ADGRL3: variants seen among roughly 807,000 people sequenced by gnomAD.
ADGRL3 encodes adhesion G protein-coupled receptor L3.
In ADGRL3, 62 loss-of-function variants were observed where a neutral mutation model predicts 153.5. The ratio of observed to expected loss-of-function variants is 0.40; its 90% CI spans 0.33 to 0.50. ADGRL3 has a LOEUF of 0.50. Among genes scored for constraint, ADGRL3 ranks in the 20% least tolerant of loss-of-function variants. The pLI is 0.47. For synonymous variants in ADGRL3, 710 were observed against 672.5 expected (o/e 1.06, Z -0.86); for missense variants, 1,641 against 1,859.4 (o/e 0.88, Z 2.16).
intron 4 of ADGRL3, among the ~76,000 whole-genome samples, chr4:61,518,673 CCATT>C (rs1284413826): frequency 6.6e-6 from 1 of 152,168 alleles, no homozygotes; most frequent in African/African-American, 2.4e-5. Flanking sequence ...TTCAATCTCT[CCATT>C]CAGATTGGCC....
intron 6 of ADGRL3, among the ~76,000 whole-genome samples, chr4:61,713,401 T>A (rs1278652421): frequency 6.6e-6 from 1 of 152,086 alleles, no homozygotes; most frequent in Non-Finnish European, 1.5e-5. Context: ...CACCAAAGCA[T>A]ACATTCTGTT....
intron 2 of ADGRL3, among the ~76,000 whole-genome samples, chr4:61,409,160 C>A (rs2097047210): frequency 7.0e-6 from 1 of 143,512 alleles, no homozygotes; most frequent in South Asian, 2.2e-4. Flanking sequence ...AAAAAAATCC[C>A]AGTTAGTTGA....
At position 61,280,111 on chromosome 4, in the gene ADGRL3, T is replaced by TC. The variant is rs762921651; in HGVS notation, c.-240+78346_-240+78347insC. 4.0e-3 allele frequency among the ~76,000 whole-genome samples: 485 copies of TC among 121,728 alleles called. 6 individuals carry two copies. The highest frequency in any genetic ancestry group is 0.013 in the African/African-American group (435 of 33,026). 79.9% of individuals were successfully genotyped at this position (121,728 alleles called of 152,430 possible). A position where few individuals can be genotyped will look rare whatever the true frequency, so the allele number is the denominator to read the frequency against. ...TATTTTCTTTTCTTTTCTTTTCTTT[T>TC]TCTTTTTTTTTTTTTTGAGACCGAG... is the stretch of plus-strand genomic sequence containing the variant. On this transcript the variant is annotated intron_variant, in intron 1 of 26. Coordinates refer to ENST00000683033, the MANE Select transcript of ADGRL3 (RefSeq NM_001387552.1).
At chr4:61,744,749 A>G (rs1282092700) in intron 8 of ADGRL3, among the ~76,000 whole-genome samples, 2 of 152,142 alleles carry the variant, frequency 1.3e-5, no homozygotes, top group Non-Finnish European at 2.9e-5. Flanking sequence ...AGTAGATAAA[A>G]CCACAAAGAT....
Position 61,877,979 on chromosome 4 carries a change from T to C in ADGRL3, c.1481-14677T>C, listed in dbSNP as rs140543845. Among the ~76,000 whole-genome samples the C allele has an allele frequency of 6.8e-4, 103 of 152,274 alleles. 2 individuals carry two copies. In the East Asian group the frequency reaches 0.019, roughly 28 times the overall value. On this transcript the variant is annotated intron_variant, in intron 9 of 26. Coordinates refer to ENST00000683033, the MANE Select transcript of ADGRL3 (RefSeq NM_001387552.1). ...TCACTCTCTCTCTTGCTTGCTGTCATGTTAGACATGCCTTGCCTCCCCTTC... is the reference window on the plus strand; with the variant it reads ...TCACTCTCTCTCTTGCTTGCTGTCACGTTAGACATGCCTTGCCTCCCCTTC...
intron 2 of ADGRL3, among the ~76,000 whole-genome samples, chr4:61,395,267 C>A (rs902761098): frequency 3.3e-5 from 5 of 151,906 alleles, no homozygotes; most frequent in Non-Finnish European, 7.4e-5. Flanking sequence ...GTCAGTATTG[C>A]AGCAGTAATT....
Position 61,983,342 on chromosome 4 carries a change from T to C in ADGRL3, c.3016-41T>C, listed in dbSNP as rs1474783154. ...TTTATGGCAGTTGACTAGTATCCCA[T>C]GTGGTAGAGATTTGACTAAATCATT... On this transcript the variant is annotated intron_variant, in intron 18 of 26. Transcript: ENST00000683033. 3.9e-5 allele frequency: 59 copies of C among 1,510,890 alleles called. No individual in the cohort carries two copies. The East Asian group carries it at 9.5e-4, about 24-fold the overall frequency. The allele number at this position is 1,510,890 out of a possible 1,614,324, so 93.6% of individuals were successfully genotyped here.
chr4:61,619,874 T>G (rs2092370924), intron 5 of ADGRL3, among the ~76,000 whole-genome samples: 1 of 152,214 alleles, frequency 6.6e-6, no homozygotes, highest in South Asian at 2.1e-4. Flanking sequence ...TGGAGCTTAC[T>G]GCTAGCTAAG....
chr4:61,908,469 C>A (rs150618556), intron 11 of ADGRL3, among the ~76,000 whole-genome samples: 1 of 151,654 alleles, frequency 6.6e-6, no homozygotes, highest in Non-Finnish European at 1.5e-5. Context: ...TGGTGGCGGG[C>A]GCCTGTAATC....
intron 5 of ADGRL3, among the ~76,000 whole-genome samples, chr4:61,640,642 T>G (rs972408721): frequency 8.5e-5 from 13 of 152,196 alleles, no homozygotes; most frequent in Non-Finnish European, 1.9e-4. Flanking sequence ...GTGACACATA[T>G]TAGACAATCA....
Position 61,869,853 on chromosome 4 carries a change from G to A in ADGRL3, c.1481-22803G>A, listed in dbSNP as rs192585443. The stretch of plus-strand genomic sequence containing the variant: ...CTCCGGAAGCTGAGACAGGAGGATC[G>A]CTTGAATCCAGGAGGCGGAGGTTGT... On this transcript the variant is annotated intron_variant, in intron 9 of 26. Transcript: ENST00000683033. Among the ~76,000 whole-genome samples the A allele has an allele frequency of 3.5e-3, 515 of 148,704 alleles. 3 individuals are homozygous for A. The highest frequency in any genetic ancestry group is 0.012 in the African/African-American group (472 of 40,274).
In ADGRL3 at chr4:61,210,100, G is replaced by A. The variant is rs574928824; in HGVS notation, c.-240+8335G>A. On this transcript the variant is annotated intron_variant, in intron 1 of 26. Transcript: ENST00000683033. The stretch of plus-strand genomic sequence containing the variant: ...TGTATTTCAGTTACAGTGCCAATAA[G>A]AGAAGTTATTAAAATGTGTGACTTT... Among the ~76,000 whole-genome samples the A allele has an allele frequency of 5.3e-5, 8 of 152,266 alleles. No homozygotes were observed. In the East Asian group the frequency reaches 9.7e-4, roughly 18 times the overall value.
At chr4:61,782,367 T>G (rs2097223057) in intron 8 of ADGRL3, among the ~76,000 whole-genome samples, 1 of 152,102 alleles carries the variant, frequency 6.6e-6, no homozygotes, top group Non-Finnish European at 1.5e-5. Flanking sequence ...TTTAAAAAAT[T>G]TTATGACGGT....
At chr4:61,444,881 T>C (rs2097565142) in intron 2 of ADGRL3, among the ~76,000 whole-genome samples, 1 of 151,890 alleles carries the variant, frequency 6.6e-6, no homozygotes, top group African/African-American at 2.4e-5. Context: ...GGCGAAACCT[T>C]GTCCCTATAA....
intron 1 of ADGRL3, among the ~76,000 whole-genome samples, chr4:61,289,950 G>A (rs1351263643): frequency 2.0e-5 from 3 of 152,070 alleles, no homozygotes; most frequent in Admixed American, 6.6e-5. Flanking sequence ...ATTATGGTAA[G>A]CACTTAGTAG....
chr4:61,639,333 T>C (rs1304287566), intron 5 of ADGRL3, among the ~76,000 whole-genome samples: 6 of 152,080 alleles, frequency 3.9e-5, no homozygotes, highest in Non-Finnish European at 8.8e-5. Flanking sequence ...TGGGATGATG[T>C]TTAATGTAGT....
intron 11 of ADGRL3, among the ~76,000 whole-genome samples, chr4:61,902,082 A>G (rs1204445176): frequency 6.6e-6 from 1 of 152,206 alleles, no homozygotes; most frequent in Non-Finnish European, 1.5e-5. Context: ...ATAGTCTACA[A>G]TAACTGGAGT....
At chr4:61,518,318 G>A (rs186611824) in intron 4 of ADGRL3, among the ~76,000 whole-genome samples, 4 of 152,112 alleles carry the variant, frequency 2.6e-5, no homozygotes, top group African/African-American at 9.7e-5. Context: ...GAAGCATTTG[G>A]CTAGTGGAAC....
At chr4:61,725,617 A>C (rs59836379) in intron 6 of ADGRL3, among the ~76,000 whole-genome samples, 8,219 of 149,892 alleles carry the variant, frequency 0.055, 422 homozygotes, top group African/African-American at 0.12. Context: ...CCAAAAAAAA[A>C]CAAAAAAAAA....
Sources: gnomAD v4.1 joint callset for allele counts (sites outside exome capture counted in the v4.1 genomes callset) on GRCh38, gnomAD v4.1.1 for gene constraint, MANE v1.5 for transcripts, NCBI Gene and HGNC (gene_info 2026-07-23, HGNC 2026-07-21) for gene names.